BLTP1: variants seen among roughly 807,000 people sequenced by gnomAD.
BLTP1 encodes the protein bridge-like lipid transfer protein family member 1, also known as fragile site-associated protein.
At chr4:122,156,687 T>G in the BLTP1 span, among the ~76,000 whole-genome samples, 1 of 152,154 alleles carries the variant, frequency 6.6e-6, no homozygotes, top group Non-Finnish European at 1.5e-5. Flanking sequence ...TGAGAGAAGG[T>G]TTTTGTTTTT....
chr4:122,209,145 T>C, the BLTP1 span: 2 of 1,595,294 alleles, frequency 1.3e-6, no homozygotes, highest in Non-Finnish European at 8.5e-7. Flanking sequence ...TGGCTTATTA[T>C]AATTATTTTT....
chr4:122,208,542 A>C, the BLTP1 span: 1 of 948,930 alleles, frequency 1.1e-6, no homozygotes, highest in Non-Finnish European at 1.3e-6. Flanking sequence ...ATTAATAAAA[A>C]TATAGAACAT....
chr4:122,338,861 G>C, the BLTP1 span, among the ~76,000 whole-genome samples: 1 of 152,044 alleles, frequency 6.6e-6, no homozygotes, highest in Non-Finnish European at 1.5e-5. Context: ...AAATATTTAG[G>C]TTTTTAAAAA....
the BLTP1 span, chr4:122,242,980 T>C: frequency 8.2e-5 from 115 of 1,402,548 alleles, 3 homozygotes; most frequent in South Asian, 1.3e-3. Flanking sequence ...ATCTAGACTA[T>C]AGTATTTTAT....
At chr4:122,230,133 T>C in the BLTP1 span, 9 of 1,614,124 alleles carry the variant, frequency 5.6e-6, no homozygotes, top group African/African-American at 2.7e-5. Context: ...ACTGTTGATA[T>C]TGCTTTAGCT....
the BLTP1 span, chr4:122,307,649 A>T: frequency 1.0e-6 from 1 of 985,230 alleles, no homozygotes; most frequent in African/African-American, 1.7e-5. Context: ...TTGTTATTCC[A>T]TCCCAGTATC....
the BLTP1 span, among the ~76,000 whole-genome samples, chr4:122,315,180 G>A: frequency 6.6e-6 from 1 of 152,074 alleles, no homozygotes; most frequent in Non-Finnish European, 1.5e-5. Flanking sequence ...TGTCTAATGA[G>A]CTAAGGTCAT....
the BLTP1 span, chr4:122,337,186 T>C: frequency 1.6e-6 from 1 of 615,164 alleles, no homozygotes; most frequent in Non-Finnish European, 2.8e-6. Flanking sequence ...GTGTGAAGTA[T>C]GTGTAAAATT....
chr4:122,152,869 G>T, the BLTP1 span: 3 of 457,880 alleles, frequency 6.6e-6, no homozygotes, highest in East Asian at 4.7e-4. Flanking sequence ...CCACTTGCTG[G>T]TGTGTGGACT....
the BLTP1 span, chr4:122,327,932 T>G: frequency 2.5e-6 from 1 of 401,266 alleles, no homozygotes; most frequent in Admixed American, 4.3e-5. Context: ...GGTTGGCCCT[T>G]TTGCTTCCTT....
At chr4:122,234,749 T>C in the BLTP1 span, 1 of 1,546,616 alleles carries the variant, frequency 6.5e-7, no homozygotes, top group South Asian at 1.2e-5. Context: ...TGTTGTTTTT[T>C]GTTTTCTTTT....
chr4:122,360,255 C>T, the BLTP1 span, among the ~76,000 whole-genome samples: 2 of 152,132 alleles, frequency 1.3e-5, no homozygotes, highest in Non-Finnish European at 2.9e-5. Context: ...GATTAAGGTT[C>T]CCTTACTGAG....
the BLTP1 span, chr4:122,234,048 G>A: frequency 1.3e-5 from 2 of 151,700 alleles, no homozygotes; most frequent in African/African-American, 4.9e-5. Flanking sequence ...AAATATGAGG[G>A]GATTTTATTA....
the BLTP1 span, among the ~76,000 whole-genome samples, chr4:122,332,473 A>G: frequency 3.9e-5 from 6 of 152,122 alleles, no homozygotes; most frequent in South Asian, 1.2e-3. Context: ...TTAGGAAAGA[A>G]TAAAGGTAAC....
the BLTP1 span, among the ~76,000 whole-genome samples, chr4:122,293,757 C>G: frequency 6.6e-6 from 1 of 152,318 alleles, no homozygotes; most frequent in East Asian, 1.9e-4. Flanking sequence ...CAGGGCAACT[C>G]ACAAGTTAAG....
chr4:122,269,444 T>C, the BLTP1 span: 1 of 985,314 alleles, frequency 1.0e-6, no homozygotes, highest in African/African-American at 1.7e-5. Context: ...CTAGCTGAAC[T>C]TGACATTCCT....
the BLTP1 span, chr4:122,226,694 T>G: frequency 6.2e-7 from 1 of 1,612,886 alleles, no homozygotes; most frequent in Non-Finnish European, 8.5e-7. Flanking sequence ...AACTTGTCAC[T>G]GATTATCTGT....
chr4:122,319,359 ATCC>A, the BLTP1 span, among the ~76,000 whole-genome samples: 4 of 151,946 alleles, frequency 2.6e-5, no homozygotes, highest in Non-Finnish European at 5.9e-5. Flanking sequence ...TCTATAAATT[ATCC>A]TCTAAGCACT....
the BLTP1 span, chr4:122,305,839 CATT>C: frequency 4.7e-6 from 7 of 1,477,628 alleles, no homozygotes; most frequent in Non-Finnish European, 6.3e-6. Flanking sequence ...AAACTTTTTC[CATT>C]ATTTTATTTT....
Sources: allele counts gnomAD v4.1 joint callset (sites outside exome capture counted in the v4.1 genomes callset), GRCh38; gene constraint gnomAD v4.1.1; transcripts MANE v1.5; gene names NCBI Gene and HGNC (gene_info 2026-07-23, HGNC 2026-07-21).